CCHCR1: variants seen among roughly 807,000 people sequenced by gnomAD.
CCHCR1 encodes HCR (a-helix coiled-coil rod homologue).
In CCHCR1, 91 loss-of-function variants were observed where a neutral mutation model predicts 114.6. The ratio of observed to expected loss-of-function variants is 0.79; its 90% CI spans 0.67 to 0.94. The LOEUF (loss-of-function observed/expected upper bound fraction) is 0.94, where lower values mean the gene tolerates loss of function less well. CCHCR1 is among the 40% of genes least tolerant of loss of function. The pLI, the probability that CCHCR1 is intolerant of heterozygous loss-of-function variation, is 0.00. For missense variants in CCHCR1, 899 were observed against 1,079.9 expected (o/e 0.83, Z 2.35); for synonymous variants, 379 against 428.5 (o/e 0.88, Z 1.43).
Position 31,143,545 on chromosome 6 carries a change from GTC to G in CCHCR1, c.2168-134_2168-133del, listed in dbSNP as rs577770506. On this transcript the variant is annotated intron_variant, in intron 15 of 17. Coordinates refer to ENST00000396268, the MANE Select transcript of CCHCR1 (RefSeq NM_001105564.2). The surrounding 1 kb of genome is among the most constrained non-coding windows in gnomAD (Gnocchi z 5.3). ...GGAGGCTGTTCTGCTCTGTGGATCT[GTC>G]TCTTCTGTACAGTTGGAGGGGTGGG... 9.7e-4 allele frequency: 891 copies of G among 916,822 alleles called. 6 individuals carry two copies. Among genetic ancestry groups the G allele is most frequent in the African/African-American group, 5.5e-3 (328 of 60,108 alleles). The allele number at this position is 916,822 out of a possible 1,614,324, so 56.8% of individuals were successfully genotyped here. A position where few individuals can be genotyped will look rare whatever the true frequency, so the allele number is the denominator to read the frequency against.
Position 31,143,156 on chromosome 6 carries a change from C to A in CCHCR1, c.2320-22G>T, listed in dbSNP as rs201249201. 6.2e-7 allele frequency: 1 copy of A among 1,611,960 alleles called. No individual in the cohort carries two copies. The highest frequency in any genetic ancestry group is 8.5e-7 in the Non-Finnish European group (1 of 1,179,498). ...TGGCCTGGGAAGGAGAGGGTTAAAC[C>A]TAGCCCGGATAGAGCCTCCCTCACC... On this transcript the variant is annotated intron_variant, in intron 16 of 17. Coordinates refer to ENST00000396268, the MANE Select transcript of CCHCR1 (RefSeq NM_001105564.2). The surrounding 1 kb of genome is among the most constrained non-coding windows in gnomAD (Gnocchi z 5.3).
intron 10 of CCHCR1, among the ~76,000 whole-genome samples, chr6:31,146,809 G>C (rs753749784): frequency 1.3e-5 from 2 of 152,172 alleles, no homozygotes; most frequent in Non-Finnish European, 2.9e-5. Flanking sequence ...TGGTACCAAA[G>C]TCAAACCCTG....
In CCHCR1 at chr6:31,157,709, T is replaced by G; in HGVS notation, c.-109A>C. On this transcript the variant is annotated 5_prime_UTR_variant, in exon 1 of 18. An upstream open reading frame in the 5' UTR loses its in-frame stop. Coordinates refer to ENST00000396268, the MANE Select transcript of CCHCR1 (RefSeq NM_001105564.2). ...TCAAATCTTTCCTGCGGCTGTTCTC[T>G]CAGCTTCTCTCTACTATCCCCTTAG... is the stretch of plus-strand genomic sequence containing the variant. The G allele has an allele frequency of 1.2e-6, 1 of 842,102 alleles. No homozygotes were observed. The allele number at this position is 842,102 out of a possible 1,614,324, so 52.2% of individuals were successfully genotyped here.
In CCHCR1 at chr6:31,144,315, T is replaced by G. The variant is rs1187056185; in HGVS notation, c.2167+372A>C. ...TTCATGTAGTCTTCCCACATCAGCC[T>G]CACAAGTAAGCTTGGGGTACAGGTG... is the stretch of plus-strand genomic sequence containing the variant. On this transcript the variant is annotated intron_variant, in intron 15 of 17. Coordinates refer to ENST00000396268, the MANE Select transcript of CCHCR1 (RefSeq NM_001105564.2). The surrounding 1 kb of genome is among the most constrained non-coding windows in gnomAD (Gnocchi z 4.6). Among the ~76,000 whole-genome samples, 1 of 152,064 alleles carries G rather than the reference T, an allele frequency of 6.6e-6. No homozygotes were observed. The highest frequency in any genetic ancestry group is 2.4e-5 in the African/African-American group (1 of 41,412).
chr6:31,157,934 A>C, upstream of CCHCR1: 3 of 365,906 alleles, frequency 8.2e-6, no homozygotes, highest in Non-Finnish European at 1.0e-5. Context: ...CCATCTCTCA[A>C]TAGCCTGCCC....
intron 1 of CCHCR1, 90 bp from the exon 2 acceptor site, chr6:31,157,179 T>G: frequency 8.4e-7 from 1 of 1,184,954 alleles, no homozygotes; most frequent in Non-Finnish European, 1.2e-6. Context: ...GTCATAATCC[T>G]TGAATTATAG....
chr6:31,158,034 G>A (rs746023852), upstream of CCHCR1: 17 of 227,072 alleles, frequency 7.5e-5, no homozygotes, highest in Non-Finnish European at 1.3e-4. Context: ...GAGCTCTAAG[G>A]CTGTTCTGAT....
At chr6:31,145,552 CAG>C in intron 11 of CCHCR1, 59 bp from the exon 12 acceptor site, 1 of 1,561,666 alleles carries the variant, frequency 6.4e-7, no homozygotes, top group Admixed American at 1.7e-5. Context: ...AAAGTGGGGA[CAG>C]GGAGTAAGGG....
chr6:31,148,568 G>A, intron 9 of CCHCR1, 50 bp downstream of exon 9: 1 of 1,594,638 alleles, frequency 6.3e-7, no homozygotes. Flanking sequence ...TGCAGCCCCG[G>A]AACAGGGGCT....
In CCHCR1 at chr6:31,145,216, T is replaced by G. The variant is rs552019115; in HGVS notation, c.1826A>C (p.Gln609Pro). 215 of 1,613,408 alleles carry G rather than the reference T, an allele frequency of 1.3e-4. 2 individuals are homozygous for G. In the South Asian group the frequency reaches 2.3e-3, roughly 17 times the overall value. Residue 609 changes from glutamine (Q) to proline (P), a missense_variant, in exon 13 of 18, where the codon CAG becomes CCG. Transcript: ENST00000396268. ...EERNRLDAEL[Q>P]LSARLIQQEV... ...CTGCTGGATGAGGCGGGCACTCAGCTGCAGTTCTGCATCCAGGCGGTTCCG... is the reference window on the plus strand; with the variant it reads ...CTGCTGGATGAGGCGGGCACTCAGCGGCAGTTCTGCATCCAGGCGGTTCCG...
rs1775731102 is a variant in CCHCR1 at position 31,154,658 on chromosome 6, G to A, written c.639C>T (p.Ala213=). ...TSLQQKMRLE[A]QAMELEALAR... is the part of the protein sequence containing the mutation. ...CCAGAGCCTCTAGCTCCATGGCCTG[G>A]GCCTCTAGCCTCATCTTCTGCTGCA... The change falls in exon 4 of 18, where the codon GCC becomes GCT. Residue 213 remains alanine, a synonymous_variant. Transcript: ENST00000396268. This position sits in a 1 kb window ranked among gnomAD's most constrained non-coding sequence, Gnocchi z 4.1. The A allele has an allele frequency of 6.2e-7, 1 of 1,612,086 alleles. No homozygotes were observed. Among genetic ancestry groups the A allele is most frequent in the Non-Finnish European group, 8.5e-7 (1 of 1,179,970 alleles).
chr6:31,145,388 T>TG (rs1466231567), intron 12 of CCHCR1, 60 bp downstream of exon 12: 1 of 1,612,716 alleles, frequency 6.2e-7, no homozygotes, highest in African/African-American at 1.3e-5. Flanking sequence ...CTCATGGTTT[T>TG]GGGGGTCCCA....
rs769138396 is a variant in CCHCR1, at chr6:31,154,430, C to G, written c.801+66G>C. 7 of 1,329,530 alleles carry G rather than the reference C, an allele frequency of 5.3e-6. No individual in the cohort carries two copies. Among genetic ancestry groups the G allele is most frequent in the Non-Finnish European group, 7.4e-6 (7 of 940,678 alleles). 82.4% of individuals were successfully genotyped at this position (1,329,530 alleles called of 1,614,324 possible). A position where few individuals can be genotyped will look rare whatever the true frequency, so the allele number is the denominator to read the frequency against. Reference sequence around the variant, plus strand: ...GAGGGTCTTTTCTGCAATACCTGTTCTTTGCTTGGAAGCTACTGCCCAGCT... The same window carrying G: ...GAGGGTCTTTTCTGCAATACCTGTTGTTTGCTTGGAAGCTACTGCCCAGCT... On this transcript the variant is annotated intron_variant, in intron 4 of 17. Transcript: ENST00000396268. The surrounding 1 kb of genome is among the most constrained non-coding windows in gnomAD (Gnocchi z 4.1).
rs1426842588 is a variant in CCHCR1 at position 31,150,211 on chromosome 6, T to C, written c.1217A>G (p.Gln406Arg). The change falls in exon 8 of 18, where the codon CAA becomes CGA. Residue 406 changes from glutamine (Q) to arginine (R), a missense_variant. By Grantham distance (43) the Gln-to-Arg change is conservative. Transcript: ENST00000396268. The surrounding 1 kb of genome is among the most constrained non-coding windows in gnomAD (Gnocchi z 5.3). ...CTCAGGCTCCAGGGAATCTGAAGGT[T>C]GAACCTGAGGGAGAAGGAGTGGGAG... ...LQEEELTRKV[Q>R]PSDSLEPEFT... 2.5e-6 allele frequency: 4 copies of C among 1,613,950 alleles called. No individual in the cohort carries two copies. The African/African-American group carries it at 5.3e-5, about 22-fold the overall frequency.
chr6:31,145,526 G>C (rs781471883), intron 11 of CCHCR1, 33 bp from the exon 12 acceptor site: 1 of 1,610,182 alleles, frequency 6.2e-7, no homozygotes, highest in South Asian at 1.1e-5. Context: ...AAAAAGAGAT[G>C]AAGTTTGCAT....
chr6:31,152,463 T>G (rs9263773), intron 4 of CCHCR1, among the ~76,000 whole-genome samples: 1 of 151,562 alleles, frequency 6.6e-6, no homozygotes, highest in South Asian at 2.1e-4. Context: ...CTCACCCTCC[T>G]GAGTAGCTGA....
chr6:31,156,932 A>G lies in CCHCR1; in HGVS notation c.296T>C (p.Leu99Pro). The stretch of plus-strand genomic sequence containing the variant: ...AGCTTGAAAGTGGGAGGGGGGAATC[A>G]GCCCAGTGGAACCTGAAGAATTACA... The part of the protein sequence containing the change: ...EMFPPSGSTG[L>P]IPPSHFQARP... The change falls in exon 3 of 18, where the codon CTG becomes CCG. Residue 99 changes from leucine to proline, a missense_variant. Transcript: ENST00000396268. 6.2e-7 allele frequency: 1 copy of G among 1,612,918 alleles called. No individual in the cohort carries two copies.
In CCHCR1 at chr6:31,143,151, T is replaced by C; in HGVS notation, c.2320-17A>G. 6.2e-7 allele frequency: 1 copy of C among 1,612,352 alleles called. No individual in the cohort carries two copies. Among genetic ancestry groups the C allele is most frequent in the Non-Finnish European group, 8.5e-7 (1 of 1,179,722 alleles). ...CAAGGTGGCCTGGGAAGGAGAGGGTTAAACCTAGCCCGGATAGAGCCTCCC... is the reference window on the plus strand; with the variant it reads ...CAAGGTGGCCTGGGAAGGAGAGGGTCAAACCTAGCCCGGATAGAGCCTCCC... On this transcript the variant is annotated splice_polypyrimidine_tract_variant and intron_variant, in intron 16 of 17. Transcript: ENST00000396268. This position sits in a 1 kb window ranked among gnomAD's most constrained non-coding sequence, Gnocchi z 5.3.
At chr6:31,155,365 G>A (rs1003389280) in intron 3 of CCHCR1, among the ~76,000 whole-genome samples, 3 of 152,114 alleles carry the variant, frequency 2.0e-5, no homozygotes, top group Non-Finnish European at 2.9e-5. Context: ...AGCACTTTGG[G>A]AGGCCGAGGC....
Sources: allele counts gnomAD v4.1 joint callset (sites outside exome capture counted in the v4.1 genomes callset), GRCh38; gene constraint gnomAD v4.1.1; non-coding constraint Gnocchi (gnomAD v3.1); transcripts MANE v1.5; gene names NCBI Gene and HGNC (gene_info 2026-07-23, HGNC 2026-07-21).